The following CREM variants were observed in gnomAD, a reference collection of about 807,000 sequenced individuals.
CREM encodes the protein cAMP-responsive element modulator.
In CREM, 13 loss-of-function variants were observed where a neutral mutation model predicts 37.3. The observed-to-expected ratio is 0.35, with a 90% CI of 0.23 to 0.55. The LOEUF is 0.55. Ranked by LOEUF, CREM falls within the 20% of genes least tolerant of loss-of-function variation. The probability of loss-of-function intolerance (pLI) is 0.88; values close to 1 mark genes in which losing one functional copy is unlikely to be tolerated. For synonymous variants in CREM, 124 were observed against 120.2 expected (o/e 1.03, Z -0.21); for missense variants, 296 against 362.3 (o/e 0.82, Z 1.49).
chr10:35,158,396 CG>C, intron 3 of CREM: 2 of 276,764 alleles, frequency 7.2e-6, no homozygotes, highest in Non-Finnish European at 7.2e-6. Flanking sequence ...GCAGATGAAC[CG>C]GGGGCTGAAG....
intron 1 of CREM, among the ~76,000 whole-genome samples, chr10:35,133,175 G>A (rs17583959): frequency 0.14 from 20,647 of 151,992 alleles, 1,597 homozygotes; most frequent in South Asian, 0.2. Context: ...ATAATTTACA[G>A]TTTACATTTT....
intron 3 of CREM, among the ~76,000 whole-genome samples, chr10:35,155,153 T>C (rs1007878366): frequency 5.9e-5 from 9 of 152,314 alleles, no homozygotes; most frequent in African/African-American, 2.2e-4. Flanking sequence ...TTTATTTTAG[T>C]GTTTGAGAGA....
chr10:35,179,083 T>A (rs774036879), intron 4 of CREM, 51 bp from the exon 5 acceptor site: 11 of 1,553,500 alleles, frequency 7.1e-6, no homozygotes, highest in South Asian at 1.2e-5. Flanking sequence ...TTTTCTGTTT[T>A]AAGACTTATT....
chr10:35,186,859 A>G (rs867808366), intron 5 of CREM, among the ~76,000 whole-genome samples: 13 of 109,082 alleles, frequency 1.2e-4, no homozygotes, highest in African/African-American at 4.8e-4. Context: ...TATATGTTAT[A>G]TATAATTATA....
chr10:35,175,441 G>A (rs891407283), intron 3 of CREM: 32 of 440,156 alleles, frequency 7.3e-5, no homozygotes, highest in African/African-American at 8.2e-5. Context: ...GCAAGACTCC[G>A]TCTCAAAAAA....
At chr10:35,175,597 C>A in intron 3 of CREM, 1 of 1,438,268 alleles carries the variant, frequency 7.0e-7, no homozygotes, top group South Asian at 1.2e-5. Context: ...GTGCTTGGAA[C>A]ATTCTTAGCC....
At chr10:35,172,397 C>T (rs980657246) in intron 3 of CREM, among the ~76,000 whole-genome samples, 46 of 152,194 alleles carry the variant, frequency 3.0e-4, no homozygotes, top group African/African-American at 1.1e-3. Context: ...TAGGTCAAAA[C>T]CATTTTCACG....
At chr10:35,184,399 G>A (rs1212864623) in intron 5 of CREM, among the ~76,000 whole-genome samples, 1 of 152,124 alleles carries the variant, frequency 6.6e-6, no homozygotes, top group Non-Finnish European at 1.5e-5. Context: ...TCAAATCTCT[G>A]AATACAGACA....
chr10:35,209,279 GC>G, intron 7 of CREM: 1 of 983,600 alleles, frequency 1.0e-6, no homozygotes, highest in Non-Finnish European at 1.2e-6. Context: ...TCGTATTTCT[GC>G]CAATCCAGCA....
intron 3 of CREM, among the ~76,000 whole-genome samples, chr10:35,164,352 T>C (rs1267572747): frequency 6.6e-6 from 1 of 152,254 alleles, no homozygotes; most frequent in Non-Finnish European, 1.5e-5. Flanking sequence ...TTTTAAAATA[T>C]ATTGTATTCG....
At chr10:35,137,985 T>C (rs1244789166) in intron 2 of CREM, 106 bp downstream of exon 2, 2 of 672,920 alleles carry the variant, frequency 3.0e-6, no homozygotes, top group East Asian at 3.6e-5. Flanking sequence ...TGTATGTATA[T>C]ATATTCTATT....
intron 7 of CREM, among the ~76,000 whole-genome samples, chr10:35,207,510 T>C (rs1037793093): frequency 6.6e-6 from 1 of 151,922 alleles, no homozygotes; most frequent in African/African-American, 2.4e-5. Context: ...GCGCAGTGGC[T>C]CCCGCCTGTA....
intron 3 of CREM, chr10:35,175,443 C>G (rs1255575563): frequency 4.5e-6 from 2 of 448,592 alleles, no homozygotes; most frequent in African/African-American, 4.1e-5. Flanking sequence ...AAGACTCCGT[C>G]TCAAAAAAAA....
intron 3 of CREM, chr10:35,167,756 A>C (rs1165149135): frequency 4.3e-6 from 7 of 1,614,040 alleles, no homozygotes; most frequent in Non-Finnish European, 5.1e-6. Flanking sequence ...TCTATGTTTC[A>C]GGCGTCCTAT....
At chr10:35,164,824 T>G (rs1454124949) in intron 3 of CREM, among the ~76,000 whole-genome samples, 1 of 151,846 alleles carries the variant, frequency 6.6e-6, no homozygotes, top group African/African-American at 2.4e-5. Flanking sequence ...CTGAGTTGGG[T>G]GGATTATTTG....
In CREM at chr10:35,127,108, G is replaced by C. The variant is rs1028493324; in HGVS notation, c.-140G>C. ...CGGGTTGCTGGGCGGCGGCGCCGCT[G>C]CTGAGCGGCGGTCGGGCTCGCCGTC... On this transcript the variant is annotated 5_prime_UTR_variant, in exon 1 of 8. Coordinates refer to ENST00000685392, the MANE Select transcript of CREM (RefSeq NM_183011.2). The C allele has an allele frequency of 6.5e-6, 1 of 152,820 alleles. No individual in the cohort carries two copies. The highest frequency in any genetic ancestry group is 1.5e-5 in the Non-Finnish European group (1 of 68,168). The allele number at this position is 152,820 out of a possible 1,614,324, so 9.5% of individuals were successfully genotyped here.
chr10:35,189,114 G>C (rs1474887249), intron 6 of CREM, among the ~76,000 whole-genome samples: 1 of 151,674 alleles, frequency 6.6e-6, no homozygotes, highest in Non-Finnish European at 1.5e-5. Flanking sequence ...TTCCCTAGCT[G>C]TTACTTTCAA....
In CREM at chr10:35,206,924, A is replaced by G. The variant is rs773752136; in HGVS notation, c.628A>G (p.Ile210Val). The G allele has an allele frequency of 5.0e-6, 8 of 1,613,870 alleles. No individual in the cohort carries two copies. The South Asian group carries it at 7.7e-5, about 16-fold the overall frequency. ...CACTGGTGACATGCCAACTTACCAG[A>G]TCCGAGCTCCTACTGCTGCTTTGCC... Reference protein sequence around the residue: ...AATGDMPTYQIRAPTAALPQG... With the variant: ...AATGDMPTYQVRAPTAALPQG... The change falls in exon 7 of 8, where the codon ATC becomes GTC. Residue 210 changes from isoleucine (I) to valine (V), a missense_variant. By Grantham distance (29) the Ile-to-Val change is conservative. Coordinates refer to ENST00000685392, the MANE Select transcript of CREM (RefSeq NM_183011.2).
At chr10:35,206,440 G>T (rs1009886332) in intron 6 of CREM, among the ~76,000 whole-genome samples, 1 of 152,138 alleles carries the variant, frequency 6.6e-6, no homozygotes, top group Non-Finnish European at 1.5e-5. Context: ...CTTACCACGT[G>T]TGTGTCTTTC....
Sources: allele counts gnomAD v4.1 joint callset (sites outside exome capture counted in the v4.1 genomes callset), GRCh38; gene constraint gnomAD v4.1.1; transcripts MANE v1.5; gene names NCBI Gene and HGNC (gene_info 2026-07-23, HGNC 2026-07-21).